Variants in PPP2R5C observed in about 807,000 individuals in gnomAD.
PPP2R5C encodes the protein serine/threonine-protein phosphatase 2A 56 kDa regulatory subunit gamma isoform.
PPP2R5C carries 7 observed loss-of-function variants against 68.9 expected under a neutral mutation model. That is an observed-to-expected ratio of 0.10 (90% CI 0.06 to 0.19). PPP2R5C has a LOEUF of 0.19. Among genes scored for constraint, PPP2R5C ranks in the 10% least tolerant of loss-of-function variants. The pLI is 1.00. For synonymous variants in PPP2R5C, 210 were observed against 222.2 expected (o/e 0.95, Z 0.49); for missense variants, 348 against 641.3 (o/e 0.54, Z 4.94).
In PPP2R5C at chr14:101,882,086, C is replaced by T. The variant is rs1260856086; in HGVS notation, c.295-75C>T. On this transcript the variant is annotated intron_variant, in intron 2 of 13. Coordinates refer to ENST00000334743, the Ensembl canonical transcript of PPP2R5C. The surrounding 1 kb of genome is among the most constrained non-coding windows in gnomAD (Gnocchi z 4.9). ...TGGGAAGCGGCTACTGTTAGAATTA[C>T]CTAAGACTTTATAAAATGTTGTCTG... 1 of 1,267,974 alleles carries T rather than the reference C, an allele frequency of 7.9e-7. No homozygotes were observed. Among genetic ancestry groups the T allele is most frequent in the East Asian group, 2.6e-5 (1 of 38,388 alleles). 78.5% of individuals were successfully genotyped at this position (1,267,974 alleles called of 1,614,324 possible). A position where few individuals can be genotyped will look rare whatever the true frequency, so the allele number is the denominator to read the frequency against.
In PPP2R5C at chr14:101,913,855, G is replaced by A. The variant is rs1161773103; in HGVS notation, c.1326+1382G>A. On this transcript the variant is annotated intron_variant, in intron 12 of 13. Coordinates refer to ENST00000334743, the Ensembl canonical transcript of PPP2R5C. The surrounding 1 kb of genome is among the most constrained non-coding windows in gnomAD (Gnocchi z 4.1). ...ACATGCAGTTGAAATCAGTAGCCTC[G>A]AAAACATGTGAGAAATGAATACACA... Among the ~76,000 whole-genome samples, 1 of 151,968 alleles carries A rather than the reference G, an allele frequency of 6.6e-6. No individual in the cohort carries two copies. Among genetic ancestry groups the A allele is most frequent in the Non-Finnish European group, 1.5e-5 (1 of 68,002 alleles).
intron 3 of PPP2R5C, among the ~76,000 whole-genome samples, chr14:101,788,934 A>G (rs1595168337): frequency 6.6e-6 from 1 of 152,162 alleles, no homozygotes; most frequent in African/African-American, 2.4e-5. Flanking sequence ...CTAACTTTCC[A>G]GTAAATTTAT....
intron 2 of PPP2R5C, among the ~76,000 whole-genome samples, chr14:101,858,643 A>G (rs1224674662): frequency 6.6e-6 from 1 of 151,984 alleles, no homozygotes; most frequent in Non-Finnish European, 1.5e-5. Flanking sequence ...CTATTGCTTA[A>G]TGCTTCCTTA....
intron 1 of PPP2R5C, among the ~76,000 whole-genome samples, chr14:101,821,446 TGGGTGG>T (rs372868011): frequency 1.7e-3 from 165 of 97,942 alleles, no homozygotes; most frequent in African/African-American, 4.9e-3. Flanking sequence ...GGGGGGTGGG[TGGGTGG>T]GTGTGTGTGT....
chr14:101,907,960 T>C (rs2141080322), intron 10 of PPP2R5C, among the ~76,000 whole-genome samples: 1 of 152,222 alleles, frequency 6.6e-6, no homozygotes, highest in African/African-American at 2.4e-5. Context: ...CTTCTGAGGG[T>C]TGCCGCCCAG....
At chr14:101,848,587 G>A (rs543447684) in intron 1 of PPP2R5C, among the ~76,000 whole-genome samples, 8 of 152,220 alleles carry the variant, frequency 5.3e-5, no homozygotes, top group East Asian at 3.9e-4. Flanking sequence ...TCGTGAGTGC[G>A]AGTATGTCTT....
At chr14:101,844,724 G>A (rs1466640724) in intron 1 of PPP2R5C, among the ~76,000 whole-genome samples, 1 of 152,130 alleles carries the variant, frequency 6.6e-6, no homozygotes, top group South Asian at 2.1e-4. Context: ...TTTGTCTGCT[G>A]GTAAACATAT....
rs540878409 is a variant in PPP2R5C at position 101,882,392 on chromosome 14, T to A, written c.405+121T>A. 198 of 631,528 alleles carry A rather than the reference T, an allele frequency of 3.1e-4. 4 individuals carry two copies. The South Asian group carries it at 4.7e-3, about 15-fold the overall frequency. The allele number at this position is 631,528 out of a possible 1,614,324, so 39.1% of individuals were successfully genotyped here. On this transcript the variant is annotated intron_variant, in intron 3 of 13. Coordinates refer to ENST00000334743, the Ensembl canonical transcript of PPP2R5C. This position sits in a 1 kb window ranked among gnomAD's most constrained non-coding sequence, Gnocchi z 4.9. Reference sequence around the variant, plus strand: ...CCTCTCCTCCTCAGTAGCATGGGCCTCGTAAACCCATATGTACAAGAAAAA... The same window carrying A: ...CCTCTCCTCCTCAGTAGCATGGGCCACGTAAACCCATATGTACAAGAAAAA...
In PPP2R5C at chr14:101,835,119, G is replaced by A. The variant is rs185623778; in HGVS notation, c.95-21567G>A. Reference sequence around the variant, plus strand: ...GGGAGTCTCTGATTCCAGCACAGCCGACTGTCCAGCAACCCCAGAATTGGT... The same window carrying A: ...GGGAGTCTCTGATTCCAGCACAGCCAACTGTCCAGCAACCCCAGAATTGGT... On this transcript the variant is annotated intron_variant, in intron 1 of 13. Transcript: ENST00000334743. The surrounding 1 kb of genome is among the most constrained non-coding windows in gnomAD (Gnocchi z 5.0). 3.2e-4 allele frequency among the ~76,000 whole-genome samples: 49 copies of A among 152,300 alleles called. No homozygotes were observed. Among genetic ancestry groups the A allele is most frequent in the Admixed American group, 2.2e-3 (34 of 15,294 alleles).
chr14:101,855,277 A>G (rs1390587833), intron 1 of PPP2R5C, among the ~76,000 whole-genome samples: 1 of 152,346 alleles, frequency 6.6e-6, no homozygotes, highest in East Asian at 1.9e-4. Context: ...CTGGCTTACT[A>G]GGAGACATTA....
intron 3 of PPP2R5C, among the ~76,000 whole-genome samples, chr14:101,794,371 T>C (rs1433210119): frequency 6.6e-6 from 1 of 152,222 alleles, no homozygotes; most frequent in African/African-American, 2.4e-5. Flanking sequence ...TGACCCATAG[T>C]CATTGCAGAA....
At chr14:101,820,028 G>A (rs975678249) in intron 1 of PPP2R5C, 8 of 152,192 alleles carry the variant, frequency 5.3e-5, no homozygotes, top group Non-Finnish European at 7.3e-5. Context: ...TGATGTGTGA[G>A]TTATGAGCCA....
chr14:101,824,714 C>T (rs990726670), intron 1 of PPP2R5C: 1 of 153,192 alleles, frequency 6.5e-6, no homozygotes, highest in Non-Finnish European at 1.5e-5. Context: ...AAATCACCCA[C>T]TTGGTGGTTG....
chr14:101,875,598 T>A (rs2043713529), intron 2 of PPP2R5C, among the ~76,000 whole-genome samples: 2 of 152,214 alleles, frequency 1.3e-5, no homozygotes, highest in Admixed American at 6.5e-5. Flanking sequence ...GTGCTGGGAT[T>A]GCTGTGCATT....
rs1420578729 is a variant in PPP2R5C at position 101,916,790 on chromosome 14, C to A, written c.1327-1041C>A. On this transcript the variant is annotated intron_variant, in intron 12 of 13. Coordinates refer to ENST00000334743, the Ensembl canonical transcript of PPP2R5C. This position sits in a 1 kb window ranked among gnomAD's most constrained non-coding sequence, Gnocchi z 5.5. The stretch of plus-strand genomic sequence containing the variant: ...GACAGGAGCTCAGCCTGAAAGAGGC[C>A]GAAGCTGTGGGACTCACTGGGCAGA... Among the ~76,000 whole-genome samples the A allele has an allele frequency of 2.0e-5, 3 of 152,102 alleles. No homozygotes were observed. In the South Asian group the frequency reaches 6.2e-4, roughly 32 times the overall value.
intron 12 of PPP2R5C, chr14:101,914,120 A>G (rs2046530888): frequency 2.2e-6 from 1 of 448,474 alleles, no homozygotes; most frequent in African/African-American, 2.0e-5. Context: ...GTTCTCAAGT[A>G]ACTTTCTGTA....
At chr14:101,791,690 T>G (rs1179082552) in intron 3 of PPP2R5C, among the ~76,000 whole-genome samples, 1 of 152,104 alleles carries the variant, frequency 6.6e-6, no homozygotes, top group East Asian at 1.9e-4. Context: ...TGTTTGGTTC[T>G]TTTTTCAGTC....
At chr14:101,824,810 C>T (rs2040297292) in intron 1 of PPP2R5C, 1 of 152,574 alleles carries the variant, frequency 6.6e-6, no homozygotes, top group African/African-American at 2.4e-5. Flanking sequence ...GGAGCAGGCC[C>T]TGTGGGGCCC....
At chr14:101,826,969 CTTTTT>C (rs1030539072) in intron 1 of PPP2R5C, among the ~76,000 whole-genome samples, 1 of 95,860 alleles carries the variant, frequency 1.0e-5, no homozygotes, top group Admixed American at 1.3e-4. Flanking sequence ...AAATGTTTAA[CTTTTT>C]TTTTTTTTTT....
Sources: gnomAD v4.1 joint callset for allele counts (sites outside exome capture counted in the v4.1 genomes callset) on GRCh38, gnomAD v4.1.1 for gene constraint, Gnocchi (gnomAD v3.1) non-coding constraint, MANE v1.5 for transcripts, NCBI Gene and HGNC (gene_info 2026-07-23, HGNC 2026-07-21) for gene names.